The following HHIP variants were observed in gnomAD, a reference collection of about 807,000 sequenced individuals.
HHIP encodes hedgehog-interacting protein.
A neutral mutation model predicts 74.0 loss-of-function variants in HHIP; 12 were observed. The ratio of observed to expected loss-of-function variants is 0.16; its 90% CI spans 0.10 to 0.26. HHIP has a LOEUF of 0.26. Among genes scored for constraint, HHIP ranks in the 10% least tolerant of loss-of-function variants. The probability of loss-of-function intolerance (pLI) is 1.00; values close to 1 mark genes in which losing one functional copy is unlikely to be tolerated. For missense variants in HHIP, 788 were observed against 845.0 expected (o/e 0.93, Z 0.84); for synonymous variants, 309 against 311.6 (o/e 0.99, Z 0.09).
intron 4 of HHIP, among the ~76,000 whole-genome samples, chr4:144,701,234 CATAAA>C (rs1729974556): frequency 6.6e-6 from 1 of 151,976 alleles, no homozygotes; most frequent in South Asian, 2.1e-4. Context: ...GTGTCATGTA[CATAAA>C]ATAAATTACC....
intron 4 of HHIP, among the ~76,000 whole-genome samples, chr4:144,692,225 T>G (rs1729693695): frequency 6.6e-6 from 1 of 152,104 alleles, no homozygotes; most frequent in South Asian, 2.1e-4. Context: ...GGGTGTTAAA[T>G]TATTTCCCCC....
chr4:144,665,006 C>T (rs1229619032), intron 4 of HHIP, among the ~76,000 whole-genome samples: 4 of 152,060 alleles, frequency 2.6e-5, no homozygotes, highest in Non-Finnish European at 5.9e-5. Flanking sequence ...GGTTACAAAC[C>T]GTTTATGTTA....
At chr4:144,647,475 A>T (rs1728299761) in intron 1 of HHIP, among the ~76,000 whole-genome samples, 1 of 152,222 alleles carries the variant, frequency 6.6e-6, no homozygotes, top group Non-Finnish European at 1.5e-5. Flanking sequence ...TAGTTAAACC[A>T]ACAGAAAGGA....
Position 144,707,269 on chromosome 4 carries a change from C to A in HHIP, c.1157+9C>A. Reference sequence around the variant, plus strand: ...GAAATGGATGGGTTAAGGTAAAAGGCTGATCACAGATGGGTTCCTCTCAAG... The same window carrying A: ...GAAATGGATGGGTTAAGGTAAAAGGATGATCACAGATGGGTTCCTCTCAAG... On this transcript the variant is annotated intron_variant, in intron 6 of 12. Transcript: ENST00000296575. 6.3e-7 allele frequency: 1 copy of A among 1,588,196 alleles called. No homozygotes were observed. The highest frequency in any genetic ancestry group is 8.6e-7 in the Non-Finnish European group (1 of 1,167,528).
intron 4 of HHIP, among the ~76,000 whole-genome samples, chr4:144,670,369 T>C (rs1728999784): frequency 6.9e-6 from 1 of 144,542 alleles, no homozygotes. Flanking sequence ...GTTGAGGCAG[T>C]AGAATCACTT....
rs994357499 is a variant in HHIP at position 144,649,044 on chromosome 4, T to C, written c.279+2090T>C. Among the ~76,000 whole-genome samples the C allele has an allele frequency of 2.0e-5, 3 of 152,222 alleles. No individual in the cohort carries two copies. In the East Asian group the frequency reaches 5.8e-4, roughly 29 times the overall value. On this transcript the variant is annotated intron_variant, in intron 1 of 12. Coordinates refer to ENST00000296575, the MANE Select transcript of HHIP (RefSeq NM_022475.3). ...AACAGAGATTTGCTATAGCTATGCA[T>C]ATGCATTCTTGACCTATGTTAGTTT...
chr4:144,674,220 T>A (rs1729117189), intron 4 of HHIP, among the ~76,000 whole-genome samples: 1 of 152,254 alleles, frequency 6.6e-6, no homozygotes, highest in African/African-American at 2.4e-5. Flanking sequence ...ATACACTGTA[T>A]AGATTAGAGC....
intron 4 of HHIP, among the ~76,000 whole-genome samples, chr4:144,705,792 T>C (rs1275673653): frequency 1.3e-5 from 2 of 152,212 alleles, no homozygotes; most frequent in Non-Finnish European, 2.9e-5. Flanking sequence ...GAAAGTTGTT[T>C]GGGATTTTGC....
chr4:144,672,284 T>C (rs958307918), intron 4 of HHIP, among the ~76,000 whole-genome samples: 1 of 152,238 alleles, frequency 6.6e-6, no homozygotes, highest in Non-Finnish European at 1.5e-5. Flanking sequence ...TCTTTCTGTA[T>C]GATCATCATT....
intron 4 of HHIP, among the ~76,000 whole-genome samples, chr4:144,666,699 A>G (rs1338487741): frequency 6.6e-6 from 1 of 151,682 alleles, no homozygotes; most frequent in Non-Finnish European, 1.5e-5. Context: ...GCATGTTAAG[A>G]AAACAAGACT....
intron 7 of HHIP, among the ~76,000 whole-genome samples, chr4:144,710,853 C>T (rs1730277390): frequency 6.6e-6 from 1 of 152,176 alleles, no homozygotes; most frequent in African/African-American, 2.4e-5. Context: ...GATAGAGAAA[C>T]CTAAAAACAA....
rs545891462 is a variant in HHIP at position 144,718,797 on chromosome 4, T to C, written c.1679-78T>C. 3.7e-5 allele frequency: 31 copies of C among 833,802 alleles called. 2 individuals carry two copies. The highest frequency in any genetic ancestry group is 2.1e-4 in the South Asian group (15 of 72,258). 51.7% of individuals were successfully genotyped at this position (833,802 alleles called of 1,614,324 possible). A position where few individuals can be genotyped will look rare whatever the true frequency, so the allele number is the denominator to read the frequency against. On this transcript the variant is annotated intron_variant, in intron 10 of 12. Coordinates refer to ENST00000296575, the MANE Select transcript of HHIP (RefSeq NM_022475.3). ...GGATAGATGGAGATAGATTGACATATAGAATAACTGCCAGGCAATAGGAAG... is the reference window on the plus strand; with the variant it reads ...GGATAGATGGAGATAGATTGACATACAGAATAACTGCCAGGCAATAGGAAG...
chr4:144,649,953 ATG>A (rs1181756832), intron 1 of HHIP, among the ~76,000 whole-genome samples: 1 of 152,190 alleles, frequency 6.6e-6, no homozygotes, highest in Admixed American at 6.5e-5. Context: ...TCAGAGACAC[ATG>A]TGTTCTATCC....
chr4:144,658,445 C>G (rs1363586762), intron 2 of HHIP, among the ~76,000 whole-genome samples: 1 of 151,676 alleles, frequency 6.6e-6, no homozygotes, highest in Non-Finnish European at 1.5e-5. Context: ...TCTTGGTTCG[C>G]TCCAACCTCC....
Position 144,724,682 on chromosome 4 carries a change from T to TTA in HHIP, c.1760+5739_1760+5740dup, listed in dbSNP as rs982771699. On this transcript the variant is annotated intron_variant, in intron 11 of 12. Transcript: ENST00000296575. ...TGTGTGTGTGTGTATATATATATAT[T>TTA]TATATATATATATAAGTATATATAT... Among the ~76,000 whole-genome samples the TTA allele has an allele frequency of 5.2e-3, 496 of 94,944 alleles. 3 individuals carry two copies. Among genetic ancestry groups the TTA allele is most frequent in the African/African-American group, 0.015 (469 of 30,616 alleles). The allele number at this position is 94,944 out of a possible 152,430, so 62.3% of individuals were successfully genotyped here. A position where few individuals can be genotyped will look rare whatever the true frequency, so the allele number is the denominator to read the frequency against.
chr4:144,732,066 T>C (rs959560718), intron 11 of HHIP, among the ~76,000 whole-genome samples: 2 of 152,114 alleles, frequency 1.3e-5, no homozygotes, highest in Non-Finnish European at 2.9e-5. Context: ...ATGTAGCTTC[T>C]GCCCTCAGAA....
intron 10 of HHIP, among the ~76,000 whole-genome samples, chr4:144,718,578 A>G (rs1349473193): frequency 1.3e-5 from 2 of 152,310 alleles, no homozygotes; most frequent in East Asian, 3.9e-4. Context: ...GAGAATACAC[A>G]CAGAAGAACA....
intron 4 of HHIP, among the ~76,000 whole-genome samples, chr4:144,696,417 T>TA (rs1485518101): frequency 6.6e-6 from 1 of 151,896 alleles, no homozygotes; most frequent in African/African-American, 2.4e-5. Flanking sequence ...TTTAAAGTAA[T>TA]ATATATGAGT....
chr4:144,703,245 A>G (rs1295228911), intron 4 of HHIP, among the ~76,000 whole-genome samples: 1 of 151,520 alleles, frequency 6.6e-6, no homozygotes, highest in Admixed American at 6.6e-5. Flanking sequence ...GTTAGAAATC[A>G]GTGTCTTTTT....
Sources: gnomAD v4.1 joint callset for allele counts (sites outside exome capture counted in the v4.1 genomes callset) on GRCh38, gnomAD v4.1.1 for gene constraint, MANE v1.5 for transcripts, NCBI Gene and HGNC (gene_info 2026-07-23, HGNC 2026-07-21) for gene names.